Variants in VASH1 observed in about 807,000 individuals in gnomAD.
The protein encoded by VASH1 is tubulinyl-Tyr carboxypeptidase 1.
Under a neutral mutation model 35.0 loss-of-function variants are expected in VASH1, and 16 were observed. The observed-to-expected ratio is 0.46, with a 90% CI of 0.31 to 0.70. The LOEUF (loss-of-function observed/expected upper bound fraction) is 0.70, where lower values mean the gene tolerates loss of function less well. Among genes scored for constraint, VASH1 ranks in the 30% least tolerant of loss-of-function variants. The pLI, the probability that VASH1 is intolerant of heterozygous loss-of-function variation, is 0.05. For missense variants in VASH1, 505 were observed against 510.7 expected (o/e 0.99, Z 0.11); for synonymous variants, 214 against 200.9 (o/e 1.07, Z -0.55).
At chr14:76,773,495 A>G in intron 4 of VASH1, 1 of 492,556 alleles carries the variant, frequency 2.0e-6, no homozygotes, top group Non-Finnish European at 3.6e-6. Flanking sequence ...CTGAACCCCA[A>G]ATCAGGGCAC....
At chr14:76,773,597 T>C in intron 4 of VASH1, 1 of 345,342 alleles carries the variant, frequency 2.9e-6, no homozygotes, top group African/African-American at 2.1e-5. Context: ...TTCCAGAACA[T>C]GTTGATTTCT....
intron 6 of VASH1, among the ~76,000 whole-genome samples, chr14:76,778,675 T>G (rs1444039566): frequency 6.6e-6 from 1 of 152,184 alleles, no homozygotes; most frequent in Non-Finnish European, 1.5e-5. Context: ...TCAGACAGAT[T>G]TATACTTTAA....
chr14:76,763,513 T>C (rs116296905), intron 1 of VASH1, among the ~76,000 whole-genome samples: 2,684 of 152,290 alleles, frequency 0.018, 82 homozygotes, highest in African/African-American at 0.06. Flanking sequence ...GCTTCATATG[T>C]TGAGAAAATA....
chr14:76,768,844 T>C (rs1893714735), intron 1 of VASH1, among the ~76,000 whole-genome samples: 1 of 151,132 alleles, frequency 6.6e-6, no homozygotes, highest in Admixed American at 6.6e-5. Flanking sequence ...GGTGGAGGCT[T>C]GGGGGCAGGG....
chr14:76,767,670 T>A (rs1893680874), intron 1 of VASH1, among the ~76,000 whole-genome samples: 1 of 152,216 alleles, frequency 6.6e-6, no homozygotes. Flanking sequence ...ATGGGCCTGG[T>A]CATTTGCATA....
At chr14:76,773,080 A>G in intron 3 of VASH1, 57 bp from the exon 4 acceptor site, 1 of 1,564,520 alleles carries the variant, frequency 6.4e-7, no homozygotes, top group Non-Finnish European at 8.8e-7. Context: ...TCCTTCTCAC[A>G]TTCCCCTGGA....
At chr14:76,771,541 G>A (rs1295025875) in intron 3 of VASH1, among the ~76,000 whole-genome samples, 1 of 152,230 alleles carries the variant, frequency 6.6e-6, no homozygotes, top group Non-Finnish European at 1.5e-5. Context: ...GGTGGTCCTA[G>A]GTGGATTGTA....
rs1235136810 is a variant in VASH1, at chr14:76,763,101, C to T, written c.280C>T (p.Arg94Trp). 1 of 1,495,562 alleles carries T rather than the reference C, an allele frequency of 6.7e-7. No homozygotes were observed. Among genetic ancestry groups the T allele is most frequent in the Non-Finnish European group, 9.0e-7 (1 of 1,116,016 alleles). The allele number at this position is 1,495,562 out of a possible 1,614,324, so 92.6% of individuals were successfully genotyped here. A position where few individuals can be genotyped will look rare whatever the true frequency, so the allele number is the denominator to read the frequency against. ...CCCCGATGGAGAGAAGGTGGCGCAA[C>T]GGATCCGTGGGGCCACAGACCTGCC... ...IHPDGEKVAQ[R>W]IRGATDLPKI... The change falls in exon 1 of 7, where the codon CGG becomes TGG. Residue 94 changes from arginine to tryptophan, a missense_variant. Coordinates refer to ENST00000167106, the MANE Select transcript of VASH1 (RefSeq NM_014909.5).
In VASH1 at chr14:76,773,122, C is replaced by T. The variant is rs755677921; in HGVS notation, c.456-15C>T. On this transcript the variant is annotated splice_polypyrimidine_tract_variant and intron_variant, in intron 3 of 6. Transcript: ENST00000167106. ...GGAGGCGCTGTCCTTACTGACCTGC[C>T]TCCCTTTCCCACAGGCTGATGGACC... The T allele has an allele frequency of 6.2e-7, 1 of 1,613,546 alleles. No individual in the cohort carries two copies. The highest frequency in any genetic ancestry group is 1.3e-5 in the African/African-American group (1 of 75,050).
At position 76,776,065 on chromosome 14, in the gene VASH1, C is replaced by T. The variant is rs756346135; in HGVS notation, c.704C>T (p.Thr235Met). 1.2e-6 allele frequency: 2 copies of T among 1,609,864 alleles called. No homozygotes were observed. The highest frequency in any genetic ancestry group is 2.2e-5 in the East Asian group (1 of 44,836). ...ATGTACAAGCCGCCCGCCTTCCGCA[C>T]GCTCAGCGAGCTCGTGCTGGACTTC... ...DLMYKPPAFRTLSELVLDFEA... is the reference protein window; with the variant it reads ...DLMYKPPAFRMLSELVLDFEA... Residue 235 changes from threonine (T) to methionine (M), a missense_variant, in exon 5 of 7, where the codon ACG becomes ATG. Transcript: ENST00000167106.
In VASH1 at chr14:76,762,155, G is replaced by A. The variant is rs1283469733; in HGVS notation, c.-667G>A. ...TTTGTGCAGGGAGTTGGCCGCAGGC[G>A]GGGAATGTGCGCGTCGGCGCGCGCC... is the stretch of plus-strand genomic sequence containing the variant. On this transcript the variant is annotated 5_prime_UTR_variant, in exon 1 of 7. Transcript: ENST00000167106. 1.1e-4 allele frequency: 16 copies of A among 152,192 alleles called. No homozygotes were observed. Among genetic ancestry groups the A allele is most frequent in the Admixed American group, 1.0e-3 (16 of 15,288 alleles). The allele number at this position is 152,192 out of a possible 1,614,324, so 9.4% of individuals were successfully genotyped here. A position where few individuals can be genotyped will look rare whatever the true frequency, so the allele number is the denominator to read the frequency against.
At chr14:76,769,575 C>T (rs954844093) in intron 1 of VASH1, 28 of 1,006,984 alleles carry the variant, frequency 2.8e-5, no homozygotes, top group African/African-American at 1.7e-4. Context: ...TTTGATCCGG[C>T]GCTTGAACCA....
At chr14:76,771,522 A>G (rs540039090) in intron 3 of VASH1, among the ~76,000 whole-genome samples, 1 of 152,234 alleles carries the variant, frequency 6.6e-6, no homozygotes, top group Admixed American at 6.5e-5. Context: ...TGCCTTGGCC[A>G]GGAGAGAGGG....
chr14:76,769,910 G>C (rs1893744806), intron 1 of VASH1, 53 bp from the exon 2 acceptor site: 1 of 1,585,306 alleles, frequency 6.3e-7, no homozygotes, highest in Admixed American at 1.7e-5. Context: ...TGGTGGACTG[G>C]AAGCTCCAAG....
intron 4 of VASH1, 193 bp downstream of exon 4, chr14:76,773,404 A>C: frequency 1.7e-6 from 1 of 588,788 alleles, no homozygotes; most frequent in Non-Finnish European, 3.0e-6. Flanking sequence ...CCGAGGTCCC[A>C]GTACCCCACA....
chr14:76,771,402 A>T (rs1429218386), intron 3 of VASH1, among the ~76,000 whole-genome samples, 156 bp downstream of exon 3: 4 of 152,138 alleles, frequency 2.6e-5, no homozygotes, highest in Admixed American at 1.3e-4. Context: ...GGCCTTATGG[A>T]TGTCATAAAG....
chr14:76,771,315 C>T, intron 3 of VASH1, 69 bp downstream of exon 3: 1 of 1,408,772 alleles, frequency 7.1e-7, no homozygotes, highest in South Asian at 1.6e-5. Flanking sequence ...CTATAGTGCA[C>T]CTTGGAGAGG....
rs1182844459 is a variant in VASH1, at chr14:76,762,720, C to T, written c.-102C>T. The T allele has an allele frequency of 2.8e-5, 31 of 1,094,488 alleles. No individual in the cohort carries two copies. The highest frequency in any genetic ancestry group is 3.4e-5 in the Admixed American group (1 of 29,746). 67.8% of individuals were successfully genotyped at this position (1,094,488 alleles called of 1,614,324 possible). On this transcript the variant is annotated 5_prime_UTR_variant, in exon 1 of 7. Coordinates refer to ENST00000167106, the MANE Select transcript of VASH1 (RefSeq NM_014909.5). ...GCCACGCCCTGATTTCTTAAAGGCGCCTTGCACTCTGGCCATGTGTTATCT... is the reference window on the plus strand; with the variant it reads ...GCCACGCCCTGATTTCTTAAAGGCGTCTTGCACTCTGGCCATGTGTTATCT...
intron 5 of VASH1, 126 bp downstream of exon 5, chr14:76,776,399 G>T: frequency 7.7e-7 from 1 of 1,297,812 alleles, no homozygotes; most frequent in Non-Finnish European, 1.0e-6. Context: ...CTTGCTTAGT[G>T]GTCGATATTG....
Sources: gnomAD v4.1 joint callset for allele counts (sites outside exome capture counted in the v4.1 genomes callset) on GRCh38, gnomAD v4.1.1 for gene constraint, MANE v1.5 for transcripts, NCBI Gene and HGNC (gene_info 2026-07-23, HGNC 2026-07-21) for gene names.